AMER3: variants seen among roughly 807,000 people sequenced by gnomAD.
The protein encoded by AMER3 is APC membrane recruitment protein 3.
For missense variants in AMER3, 1,201 were observed against 1,139.4 expected, an observed-to-expected ratio of 1.05 and a Z score of -0.78; for synonymous variants, 541 against 485.5, an observed-to-expected ratio of 1.11 and a Z score of -1.50.
Position 130,762,305 on chromosome 2 carries a change from C to T in AMER3, c.233C>T (p.Pro78Leu). The T allele has an allele frequency of 1.2e-6, 2 of 1,602,704 alleles. No individual in the cohort carries two copies. The highest frequency in any genetic ancestry group is 2.2e-5 in the South Asian group (2 of 89,414). The change falls in exon 2 of 2, where the codon CCC becomes CTC. Residue 78 changes from proline to leucine, a missense_variant. By Grantham distance (98) the Pro-to-Leu change is moderately conservative. Coordinates refer to ENST00000321420, the MANE Select transcript of AMER3 (RefSeq NM_152698.3). Reference sequence around the variant, plus strand: ...GCGCAGCTGGACCCCAAAGGGGGACCCGCAGCCCTCTGTGGAGCCACCTTC... The same window carrying T: ...GCGCAGCTGGACCCCAAAGGGGGACTCGCAGCCCTCTGTGGAGCCACCTTC... The part of the protein sequence containing the change: ...KGAQLDPKGG[P>L]AALCGATFKP...
intron 1 of AMER3, among the ~76,000 whole-genome samples, chr2:130,759,173 T>C (rs1574039670): frequency 6.6e-6 from 1 of 152,248 alleles, no homozygotes; most frequent in South Asian, 2.1e-4. Flanking sequence ...CCTACACTTA[T>C]TGTCCTGTCT....
rs767464409 is a variant in AMER3 at position 130,762,173 on chromosome 2, C to A, written c.101C>A (p.Thr34Lys). The A allele has an allele frequency of 7.5e-6, 12 of 1,602,328 alleles. No individual in the cohort carries two copies. The highest frequency in any genetic ancestry group is 9.4e-6 in the Non-Finnish European group (11 of 1,174,750). Residue 34 changes from threonine (T) to lysine (K), a missense_variant, in exon 2 of 2, where the codon ACA becomes AAA. Thr to Lys is a moderately conservative substitution (Grantham distance 78, BLOSUM62 -1). Transcript: ENST00000321420. ...GCCGTGGCTGCAGCCAGGGAGGGGA[C>A]AGGCCCCTGGTCAGTCCTTCCAGGA... ...PAAVAAAREG[T>K]GPWSVLPGGQ...
chr2:130,758,666 A>C (rs376645613), intron 1 of AMER3, among the ~76,000 whole-genome samples: 67 of 152,296 alleles, frequency 4.4e-4, no homozygotes, highest in Non-Finnish European at 8.2e-4. Context: ...GGGGAGTGCA[A>C]TCAAGCACCA....
intron 1 of AMER3, among the ~76,000 whole-genome samples, chr2:130,758,627 C>T (rs1209788838): frequency 6.6e-6 from 1 of 152,200 alleles, no homozygotes; most frequent in African/African-American, 2.4e-5. Flanking sequence ...AGTTGGAGTC[C>T]TGGACCTTAA....
In AMER3 at chr2:130,762,269, C is replaced by T; in HGVS notation, c.197C>T (p.Pro66Leu). 6.3e-7 allele frequency: 1 copy of T among 1,580,636 alleles called. No individual in the cohort carries two copies. Among genetic ancestry groups the T allele is most frequent in the South Asian group, 1.2e-5 (1 of 86,778 alleles). The stretch of plus-strand genomic sequence containing the variant: ...AGTGCCCAAGAATACGACAGATGCC[C>T]CAACAAAGGGGCGCAGCTGGACCCC... ...SPSAQEYDRC[P>L]NKGAQLDPKG... The change falls in exon 2 of 2, where the codon CCC (proline) becomes CTC (leucine). Residue 66 changes from proline (P) to leucine (L), a missense_variant. Physicochemically the swap from Pro to Leu is moderately conservative, Grantham distance 98. Coordinates refer to ENST00000321420, the MANE Select transcript of AMER3 (RefSeq NM_152698.3).
At chr2:130,758,979 G>C (rs1178887463) in intron 1 of AMER3, among the ~76,000 whole-genome samples, 2 of 152,222 alleles carry the variant, frequency 1.3e-5, no homozygotes, top group African/African-American at 2.4e-5. Flanking sequence ...TTCTCAGTCT[G>C]CCTCCAGCCA....
Position 130,764,158 on chromosome 2 carries a change from C to T in AMER3, c.2086C>T (p.Pro696Ser). ...AAACGAACAGCCCCCGGCCGCATGG[C>T]CTCCAAGGCAAGACATGGGCAGTGG... is the stretch of plus-strand genomic sequence containing the variant. ...SSNEQPPAAW[P>S]PRQDMGSGLF... The change falls in exon 2 of 2, where the codon CCT (proline) becomes TCT (serine). Residue 696 changes from proline to serine, a missense_variant. Coordinates refer to ENST00000321420, the MANE Select transcript of AMER3 (RefSeq NM_152698.3). 2 of 1,608,872 alleles carry T rather than the reference C, an allele frequency of 1.2e-6. No individual in the cohort carries two copies. The highest frequency in any genetic ancestry group is 1.1e-5 in the South Asian group (1 of 90,590).
At position 130,763,914 on chromosome 2, in the gene AMER3, C is replaced by T. The variant is rs1678897031; in HGVS notation, c.1842C>T (p.Ser614=). ...GAGGTCACTCTGAAGGCTTGTTCTCCTCTATGGAGTCTGCAGCCACTTCGA... is the reference window on the plus strand; with the variant it reads ...GAGGTCACTCTGAAGGCTTGTTCTCTTCTATGGAGTCTGCAGCCACTTCGA... The part of the protein sequence containing the change: ...ETRGHSEGLF[S]SMESAATSTT... The change falls in exon 2 of 2, where the codon TCC becomes TCT. Residue 614 remains serine, a synonymous_variant. Transcript: ENST00000321420. 6.2e-7 allele frequency: 1 copy of T among 1,613,700 alleles called. No individual in the cohort carries two copies.
intron 1 of AMER3, among the ~76,000 whole-genome samples, chr2:130,760,975 C>G (rs1031919725): frequency 3.3e-5 from 5 of 152,134 alleles, no homozygotes; most frequent in Non-Finnish European, 5.9e-5. Flanking sequence ...TGGCATTCTT[C>G]CCTTTGGAAG....
At chr2:130,760,286 C>T (rs1678738739) in intron 1 of AMER3, among the ~76,000 whole-genome samples, 1 of 152,190 alleles carries the variant, frequency 6.6e-6, no homozygotes, top group Non-Finnish European at 1.5e-5. Flanking sequence ...CGGGTGGAGC[C>T]TGGTCAGCTT....
chr2:130,763,024 C>T lies in AMER3; in HGVS notation c.952C>T (p.Arg318Cys), dbSNP rs113802956. The T allele has an allele frequency of 3.5e-5, 57 of 1,613,230 alleles. 2 individuals carry two copies. In the South Asian group the frequency reaches 4.2e-4, roughly 12 times the overall value. Residue 318 changes from arginine to cysteine, a missense_variant, in exon 2 of 2, where the codon CGT (arginine) becomes TGT (cysteine). Arg to Cys is a radical substitution (Grantham distance 180, BLOSUM62 -3). Transcript: ENST00000321420. ...CTGGGACAGTGTGAATCGCTCAGTG[C>T]GTCAGCAGCAGCGTGCCCTCCTAGG... ...RFWDSVNRSVRQQQRALLGPW... is the reference protein window; with the variant it reads ...RFWDSVNRSVCQQQRALLGPW...
At position 130,763,370 on chromosome 2, in the gene AMER3, C is replaced by G; in HGVS notation, c.1298C>G (p.Pro433Arg). The change falls in exon 2 of 2, where the codon CCT becomes CGT. Residue 433 changes from proline (P) to arginine (R), a missense_variant. Physicochemically the swap from Pro to Arg is moderately radical, Grantham distance 103. Transcript: ENST00000321420. Reference protein sequence around the residue: ...YELFHDPSEGPLGPSPDDDLC... With the variant: ...YELFHDPSEGRLGPSPDDDLC... ...CTCTTCCACGACCCCAGCGAGGGTC[C>G]TCTTGGCCCCAGCCCAGATGATGAC... 1 of 1,613,280 alleles carries G rather than the reference C, an allele frequency of 6.2e-7. No individual in the cohort carries two copies. The highest frequency in any genetic ancestry group is 8.5e-7 in the Non-Finnish European group (1 of 1,180,012).
rs377188387 is a variant in AMER3, at chr2:130,764,099, G to T, written c.2027G>T (p.Cys676Phe). 8.1e-6 allele frequency: 13 copies of T among 1,611,450 alleles called. No homozygotes were observed. Among genetic ancestry groups the T allele is most frequent in the African/African-American group, 4.0e-5 (3 of 75,050 alleles). The change falls in exon 2 of 2, where the codon TGT becomes TTT. Residue 676 changes from cysteine to phenylalanine, a missense_variant. Cys to Phe is a radical substitution (Grantham distance 205). Transcript: ENST00000321420. ...TLDAEPMLAG[C>F]VARVAALKIS... ...GATGCAGAGCCCATGCTGGCAGGCTGTGTGGCCCGTGTGGCAGCCCTGAAG... is the reference window on the plus strand; with the variant it reads ...GATGCAGAGCCCATGCTGGCAGGCTTTGTGGCCCGTGTGGCAGCCCTGAAG...
In AMER3 at chr2:130,764,004, G is replaced by A. The variant is rs775067760; in HGVS notation, c.1932G>A (p.Glu644=). 3 of 1,613,110 alleles carry A rather than the reference G, an allele frequency of 1.9e-6. No homozygotes were observed. Among genetic ancestry groups the A allele is most frequent in the Non-Finnish European group, 2.5e-6 (3 of 1,179,794 alleles). The part of the protein sequence containing the change: ...VPSTWPCSQK[E]PGPPGVLGCF... The stretch of plus-strand genomic sequence containing the variant: ...CTACCTGGCCCTGCTCCCAGAAGGA[G>A]CCTGGGCCACCAGGGGTCCTGGGGT... Residue 644 remains glutamate, a synonymous_variant, in exon 2 of 2, where the codon GAG becomes GAA. Coordinates refer to ENST00000321420, the MANE Select transcript of AMER3 (RefSeq NM_152698.3).
chr2:130,764,442 G>A lies in AMER3; in HGVS notation c.2370G>A (p.Gln790=), dbSNP rs1305362829. ...TGGAGCAGGTGGCACACGGCAGCCA[G>A]CTGGACTCTGAGCCCCGCTCAGCCC... ...EAVEQVAHGS[Q]LDSEPRSAPA... Residue 790 remains glutamine (Q), a synonymous_variant, in exon 2 of 2, where the codon CAG becomes CAA. Coordinates refer to ENST00000321420, the MANE Select transcript of AMER3 (RefSeq NM_152698.3). 1 of 1,605,172 alleles carries A rather than the reference G, an allele frequency of 6.2e-7. No homozygotes were observed. The highest frequency in any genetic ancestry group is 1.3e-5 in the African/African-American group (1 of 74,804).
At position 130,764,101 on chromosome 2, in the gene AMER3, G is replaced by A; in HGVS notation, c.2029G>A (p.Val677Met). ...TGCAGAGCCCATGCTGGCAGGCTGT[G>A]TGGCCCGTGTGGCAGCCCTGAAGAT... is the stretch of plus-strand genomic sequence containing the variant. Reference protein sequence around the residue: ...LDAEPMLAGCVARVAALKISS... With the variant: ...LDAEPMLAGCMARVAALKISS... Residue 677 changes from valine to methionine, a missense_variant, in exon 2 of 2, where the codon GTG becomes ATG. Transcript: ENST00000321420. 1 of 1,611,638 alleles carries A rather than the reference G, an allele frequency of 6.2e-7. No individual in the cohort carries two copies.
chr2:130,760,148 G>A (rs1678734457), intron 1 of AMER3, among the ~76,000 whole-genome samples: 1 of 152,250 alleles, frequency 6.6e-6, no homozygotes, highest in Non-Finnish European at 1.5e-5. Context: ...GGTGCCACTA[G>A]CAACAGCTGA....
In AMER3 at chr2:130,763,918, A is replaced by C; in HGVS notation, c.1846A>C (p.Met616Leu). ...RGHSEGLFSS[M>L]ESAATSTTDT... ...TCACTCTGAAGGCTTGTTCTCCTCT[A>C]TGGAGTCTGCAGCCACTTCGACAAC... Residue 616 changes from methionine to leucine, a missense_variant, in exon 2 of 2, where the codon ATG (methionine) becomes CTG (leucine). Met to Leu is a conservative substitution (Grantham distance 15). Coordinates refer to ENST00000321420, the MANE Select transcript of AMER3 (RefSeq NM_152698.3). 1 of 1,613,650 alleles carries C rather than the reference A, an allele frequency of 6.2e-7. No homozygotes were observed. Among genetic ancestry groups the C allele is most frequent in the Non-Finnish European group, 8.5e-7 (1 of 1,180,010 alleles).
In AMER3 at chr2:130,767,113, C is replaced by G. The variant is rs1041692530; in HGVS notation, c.*2455C>G. On this transcript the variant is annotated 3_prime_UTR_variant, in exon 2 of 2. Coordinates refer to ENST00000321420, the MANE Select transcript of AMER3 (RefSeq NM_152698.3). The stretch of plus-strand genomic sequence containing the variant: ...ATGTCACAACACATGTGCAGCACCC[C>G]GACATTCAGAACCATGAAGGGAGAA... 6.0e-6 allele frequency: 1 copy of G among 167,080 alleles called. No individual in the cohort carries two copies. The highest frequency in any genetic ancestry group is 6.5e-5 in the Admixed American group (1 of 15,286). The allele number at this position is 167,080 out of a possible 1,614,324, so 10.3% of individuals were successfully genotyped here.
Sources: allele counts gnomAD v4.1 joint callset (sites outside exome capture counted in the v4.1 genomes callset), GRCh38; gene constraint gnomAD v4.1.1; transcripts MANE v1.5; gene names NCBI Gene and HGNC (gene_info 2026-07-23, HGNC 2026-07-21).